Variants in ACOX3 observed in about 807,000 individuals in gnomAD.
ACOX3 encodes the protein acyl-CoA oxidase 3, pristanoyl.
Under a neutral mutation model 81.5 loss-of-function variants are expected in ACOX3, and 73 were observed. The ratio of observed to expected loss-of-function variants is 0.90; its 90% CI spans 0.74 to 1.09. The LOEUF is 1.09. Among genes scored for constraint, ACOX3 ranks in the 50% least tolerant of loss-of-function variants. The pLI is 0.00. For synonymous variants in ACOX3, 387 were observed against 375.1 expected (o/e 1.03, Z -0.37); for missense variants, 947 against 928.0 (o/e 1.02, Z -0.27).
In ACOX3 at chr4:8,392,319, T is replaced by C. The variant is rs1182377214; in HGVS notation, c.1300+14A>G. The C allele has an allele frequency of 1.3e-6, 2 of 1,536,074 alleles. No individual in the cohort carries two copies. Among genetic ancestry groups the C allele is most frequent in the African/African-American group, 1.4e-5 (1 of 72,054 alleles). ...TAAGGACAGGAAACCACCATGCGCT[T>C]CTCCAAAACCTACTGGCCAGATAGC... On this transcript the variant is annotated intron_variant, in intron 11 of 17. Transcript: ENST00000356406.
At chr4:8,418,311 GTGCCAGGCATGGTGGCACAT>G (rs1722555420) in intron 1 of ACOX3, among the ~76,000 whole-genome samples, 3 of 152,034 alleles carry the variant, frequency 2.0e-5, no homozygotes, top group Admixed American at 6.5e-5. Flanking sequence ...AAGATTATAT[GTGCCAGGCATGGTGGCACAT>G]GGCTGTAATC....
chr4:8,369,430 C>T (rs1715873591), intron 17 of ACOX3, among the ~76,000 whole-genome samples: 1 of 152,192 alleles, frequency 6.6e-6, no homozygotes, highest in Non-Finnish European at 1.5e-5. Flanking sequence ...GCTGGGAAAC[C>T]CACTGGGCTT....
chr4:8,365,994 C>G (rs1039421799), downstream of ACOX3, among the ~76,000 whole-genome samples: 1 of 152,108 alleles, frequency 6.6e-6, no homozygotes, highest in Non-Finnish European at 1.5e-5. Flanking sequence ...TCAGGGGGCA[C>G]CAGAGTGACC....
intron 5 of ACOX3, 89 bp from the exon 6 acceptor site, chr4:8,410,444 T>C: frequency 2.0e-6 from 3 of 1,510,750 alleles, no homozygotes; most frequent in South Asian, 1.2e-5. Context: ...TTCCATTTTC[T>C]ACGTTCAAAA....
rs755671470 is a variant in ACOX3, at chr4:8,375,014, A to C, written c.1792T>G (p.Trp598Gly). ...AGGGCCGCGTGGCGGCTCAGGGACC[A>C]CAGGGCGTACAGAGCACTGAGCCGC... Reference protein sequence around the residue: ...LGRLSALYALWSLSRHAALLY... With the variant: ...LGRLSALYALGSLSRHAALLY... Residue 598 changes from tryptophan to glycine, a missense_variant, in exon 15 of 18, where the codon TGG (tryptophan) becomes GGG (glycine). Physicochemically the swap from Trp to Gly is radical, Grantham distance 184 (BLOSUM62 -2). Transcript: ENST00000356406. 4 of 1,546,960 alleles carry C rather than the reference A, an allele frequency of 2.6e-6. No individual in the cohort carries two copies. Among genetic ancestry groups the C allele is most frequent in the Non-Finnish European group, 3.5e-6 (4 of 1,143,342 alleles).
At chr4:8,420,764 G>A (rs986537078) in intron 1 of ACOX3, among the ~76,000 whole-genome samples, 12 of 152,102 alleles carry the variant, frequency 7.9e-5, no homozygotes, top group South Asian at 2.1e-4. Context: ...GCTGATCATC[G>A]CCATCGCAGA....
intron 1 of ACOX3, among the ~76,000 whole-genome samples, chr4:8,433,078 G>A (rs1367388349): frequency 6.6e-6 from 1 of 152,232 alleles, no homozygotes; most frequent in Non-Finnish European, 1.5e-5. Flanking sequence ...GCCCCAGGCA[G>A]TGGGTCAGAT....
rs1321642190 is a variant in ACOX3 at position 8,385,825 on chromosome 4, C to T, written c.1537+3348G>A. On this transcript the variant is annotated intron_variant, in intron 13 of 17. Transcript: ENST00000356406. This position sits in a 1 kb window ranked among gnomAD's most constrained non-coding sequence, Gnocchi z 5.5. ...TCCACATGACGCAGGCTGCAGTCAG[C>T]CCTGAGACCTGGGATCTGTGACCAA... 1.3e-5 allele frequency among the ~76,000 whole-genome samples: 2 copies of T among 152,228 alleles called. No homozygotes were observed. Among genetic ancestry groups the T allele is most frequent in the Non-Finnish European group, 2.9e-5 (2 of 68,050 alleles).
At chr4:8,379,134 T>C (rs187862359) in intron 14 of ACOX3, among the ~76,000 whole-genome samples, 13 of 152,378 alleles carry the variant, frequency 8.5e-5, no homozygotes, top group Admixed American at 8.5e-4. Context: ...TAGAGCGTCT[T>C]TTGCAATGCA....
chr4:8,377,042 T>C lies in ACOX3; in HGVS notation c.1654-1890A>G, dbSNP rs984666988. 1.1e-4 allele frequency among the ~76,000 whole-genome samples: 16 copies of C among 151,882 alleles called. No homozygotes were observed. In the East Asian group the frequency reaches 3.0e-3, roughly 28 times the overall value. On this transcript the variant is annotated intron_variant, in intron 14 of 17. Transcript: ENST00000356406. Reference sequence around the variant, plus strand: ...TTCCACCTTCCATGAAACAAGCGGGTGACGGCATCTGCACCCCCGTAGGCT... The same window carrying C: ...TTCCACCTTCCATGAAACAAGCGGGCGACGGCATCTGCACCCCCGTAGGCT...
chr4:8,416,522 C>T lies in ACOX3; in HGVS notation c.-1G>A, dbSNP rs1430529621. 9 of 1,602,404 alleles carry T rather than the reference C, an allele frequency of 5.6e-6. No homozygotes were observed. The highest frequency in any genetic ancestry group is 4.5e-5 in the East Asian group (2 of 44,688). On this transcript the variant is annotated 5_prime_UTR_variant, in exon 2 of 18. Coordinates refer to ENST00000356406, the MANE Select transcript of ACOX3 (RefSeq NM_003501.3). This position sits in a 1 kb window ranked among gnomAD's most constrained non-coding sequence, Gnocchi z 4.2. ...CGCCTCCTTCCACAGTGGATGCCAT[C>T]GCGTGATAAGAGCCTGCACAAAACA...
chr4:8,394,074 G>A lies in ACOX3; in HGVS notation c.1179+546C>T, dbSNP rs865833150. Reference sequence around the variant, plus strand: ...GCGTTTCTCCTCTGCTTTCAAACACGGTTATTTCTTTTGATTCACATTTCA... The same window carrying A: ...GCGTTTCTCCTCTGCTTTCAAACACAGTTATTTCTTTTGATTCACATTTCA... On this transcript the variant is annotated intron_variant, in intron 10 of 17. Coordinates refer to ENST00000356406, the MANE Select transcript of ACOX3 (RefSeq NM_003501.3). The surrounding 1 kb of genome is among the most constrained non-coding windows in gnomAD (Gnocchi z 5.9). Among the ~76,000 whole-genome samples, 14 of 152,148 alleles carry A rather than the reference G, an allele frequency of 9.2e-5. No homozygotes were observed. Among genetic ancestry groups the A allele is most frequent in the Middle Eastern group, 3.2e-3 (1 of 316 alleles).
chr4:8,422,837 T>A (rs142872865), intron 1 of ACOX3, among the ~76,000 whole-genome samples: 9 of 152,292 alleles, frequency 5.9e-5, no homozygotes, highest in African/African-American at 2.2e-4. Context: ...TTGCTTCCAG[T>A]GTGGTCTACA....
chr4:8,376,194 T>C (rs187419404), intron 14 of ACOX3, among the ~76,000 whole-genome samples: 27 of 152,338 alleles, frequency 1.8e-4, no homozygotes, highest in Admixed American at 8.5e-4. Flanking sequence ...TCTTTTTTAA[T>C]GAATATCAAA....
chr4:8,432,455 G>A lies in ACOX3; in HGVS notation c.-15+8193C>T, dbSNP rs529523308. On this transcript the variant is annotated intron_variant, in intron 1 of 17. Transcript: ENST00000356406. This position sits in a 1 kb window ranked among gnomAD's most constrained non-coding sequence, Gnocchi z 6.2. ...TCACTGTGTTAGCCAGGATAGTCTC[G>A]ATCTCCTGACCTTGTGATCCACCCA... Among the ~76,000 whole-genome samples the A allele has an allele frequency of 2.6e-5, 4 of 151,948 alleles. No homozygotes were observed. Among genetic ancestry groups the A allele is most frequent in the South Asian group, 4.2e-4 (2 of 4,802 alleles).
At chr4:8,420,186 A>G (rs1283872297) in intron 1 of ACOX3, among the ~76,000 whole-genome samples, 3 of 152,226 alleles carry the variant, frequency 2.0e-5, no homozygotes, top group Non-Finnish European at 4.4e-5. Context: ...CCCAGATCCT[A>G]ACAAGTACCT....
downstream of ACOX3, among the ~76,000 whole-genome samples, chr4:8,361,429 A>C (rs1302369123): frequency 6.8e-5 from 9 of 131,964 alleles, no homozygotes; most frequent in East Asian, 1.0e-3. Context: ...CTATCTCAAA[A>C]AAAAAAAAAA....
In ACOX3 at chr4:8,416,588, T is replaced by C. The variant is rs1355054010; in HGVS notation, c.-14-53A>G. The C allele has an allele frequency of 2.0e-6, 3 of 1,497,020 alleles. No individual in the cohort carries two copies. The highest frequency in any genetic ancestry group is 2.7e-6 in the Non-Finnish European group (3 of 1,124,942). The allele number at this position is 1,497,020 out of a possible 1,614,324, so 92.7% of individuals were successfully genotyped here. A position where few individuals can be genotyped will look rare whatever the true frequency, so the allele number is the denominator to read the frequency against. ...TGCTCTCCCATCTATGGGTTCAAAC[T>C]ACCCCCACCAACAGGAGAGCCCGCA... On this transcript the variant is annotated intron_variant, in intron 1 of 17. Coordinates refer to ENST00000356406, the MANE Select transcript of ACOX3 (RefSeq NM_003501.3). The surrounding 1 kb of genome is among the most constrained non-coding windows in gnomAD (Gnocchi z 4.2).
Position 8,415,538 on chromosome 4 carries a change from G to T in ACOX3, c.378+228C>A, listed in dbSNP as rs374334409. On this transcript the variant is annotated intron_variant, in intron 3 of 17. Coordinates refer to ENST00000356406, the MANE Select transcript of ACOX3 (RefSeq NM_003501.3). ...ATTGTATTTTATTCAAGGACTTATGGGTGCAAATTTACAAATACATGATGG... is the reference window on the plus strand; with the variant it reads ...ATTGTATTTTATTCAAGGACTTATGTGTGCAAATTTACAAATACATGATGG... Among the ~76,000 whole-genome samples the T allele has an allele frequency of 2.0e-4, 30 of 151,100 alleles. No homozygotes were observed. The East Asian group carries it at 2.9e-3, about 15-fold the overall frequency.
Sources: gnomAD v4.1 joint callset for allele counts (sites outside exome capture counted in the v4.1 genomes callset) on GRCh38, gnomAD v4.1.1 for gene constraint, Gnocchi (gnomAD v3.1) non-coding constraint, MANE v1.5 for transcripts, NCBI Gene and HGNC (gene_info 2026-07-23, HGNC 2026-07-21) for gene names.